Variants in CHST11 observed in about 807,000 individuals in gnomAD.
The protein encoded by CHST11 is carbohydrate sulfotransferase 11, also known as C4S-1.
A neutral mutation model predicts 30.4 loss-of-function variants in CHST11; 9 were observed. The observed-to-expected ratio is 0.30, with a 90% CI of 0.18 to 0.52. The LOEUF (loss-of-function observed/expected upper bound fraction) is 0.52, where lower values mean the gene tolerates loss of function less well. Among genes scored for constraint, CHST11 ranks in the 20% least tolerant of loss-of-function variants. The pLI, the probability that CHST11 is intolerant of heterozygous loss-of-function variation, is 0.97. For missense variants in CHST11, 348 were observed against 460.6 expected (o/e 0.76, Z 2.24); for synonymous variants, 152 against 187.8 (o/e 0.81, Z 1.56).
chr12:104,541,273 A>C (rs2038285327), intron 1 of CHST11, among the ~76,000 whole-genome samples: 1 of 152,208 alleles, frequency 6.6e-6, no homozygotes, highest in African/African-American at 2.4e-5. Flanking sequence ...CCACAGAGTG[A>C]TGTAAACCTA....
At chr12:104,491,574 T>A (rs1334628674) in intron 1 of CHST11, among the ~76,000 whole-genome samples, 1 of 152,030 alleles carries the variant, frequency 6.6e-6, no homozygotes, top group East Asian at 1.9e-4. Flanking sequence ...GCTCAAGTGG[T>A]CCTCCTGCCT....
intron 2 of CHST11, among the ~76,000 whole-genome samples, chr12:104,715,731 C>A (rs1896562): frequency 0.29 from 44,477 of 152,014 alleles, 8,054 homozygotes; most frequent in South Asian, 0.46. Flanking sequence ...GCTTAGGCTC[C>A]TGTGACTCCC....
intron 1 of CHST11, among the ~76,000 whole-genome samples, chr12:104,565,580 T>G (rs997505558): frequency 2.0e-5 from 3 of 151,908 alleles, no homozygotes; most frequent in African/African-American, 7.3e-5. Context: ...AGGACTTTTG[T>G]AAATTGTCTA....
intron 2 of CHST11, among the ~76,000 whole-genome samples, chr12:104,724,724 G>A (rs926535032): frequency 6.6e-6 from 1 of 152,034 alleles, no homozygotes; most frequent in African/African-American, 2.4e-5. Context: ...TGGAGCTGCC[G>A]CAGTTGCCTT....
At chr12:104,526,225 AAG>A (rs574423757) in intron 1 of CHST11, among the ~76,000 whole-genome samples, 4,003 of 146,134 alleles carry the variant, frequency 0.027, 100 homozygotes, top group African/African-American at 0.062. Context: ...TAAAAAAAAA[AAG>A]AAAAGAAAAG....
chr12:104,530,293 A>C (rs1031174727), intron 1 of CHST11, among the ~76,000 whole-genome samples: 2 of 152,192 alleles, frequency 1.3e-5, no homozygotes, highest in Admixed American at 1.3e-4. Context: ...CATCATGATC[A>C]TCATCATTTC....
chr12:104,517,208 C>T (rs1424022820), intron 1 of CHST11, among the ~76,000 whole-genome samples: 1 of 152,124 alleles, frequency 6.6e-6, no homozygotes, highest in African/African-American at 2.4e-5. Context: ...AAGAGAAGCC[C>T]AAGAATTGTC....
chr12:104,553,784 C>G (rs1286577546), intron 1 of CHST11, among the ~76,000 whole-genome samples: 3 of 152,172 alleles, frequency 2.0e-5, no homozygotes. Context: ...AGAGCCAAAC[C>G]ATATCAGCTG....
chr12:104,733,537 C>A (rs1275873510), intron 2 of CHST11, among the ~76,000 whole-genome samples: 1 of 152,240 alleles, frequency 6.6e-6, no homozygotes, highest in East Asian at 1.9e-4. Flanking sequence ...CACTGTGTTT[C>A]AGGCAGTCTT....
chr12:104,498,126 G>A lies in CHST11; in HGVS notation c.118+40597G>A, dbSNP rs142935989. Among the ~76,000 whole-genome samples the A allele has an allele frequency of 6.5e-3, 983 of 151,880 alleles. 12 individuals carry two copies. The highest frequency in any genetic ancestry group is 0.022 in the African/African-American group (926 of 41,366). ...GTAGAGATGGGGTTTTGCCGTGTTG[G>A]CCAGGCTGGTTTTGAACTCCTGACC... is the stretch of plus-strand genomic sequence containing the variant. On this transcript the variant is annotated intron_variant, in intron 1 of 2. Transcript: ENST00000303694.
chr12:104,705,613 G>C (rs1004678757), intron 2 of CHST11, among the ~76,000 whole-genome samples: 2 of 152,248 alleles, frequency 1.3e-5, no homozygotes, highest in East Asian at 3.9e-4. Context: ...GGAAGGTAAG[G>C]GCTGCAGGTT....
chr12:104,536,198 T>C (rs1285386027), intron 1 of CHST11, among the ~76,000 whole-genome samples: 1 of 152,216 alleles, frequency 6.6e-6, no homozygotes, highest in Non-Finnish European at 1.5e-5. Flanking sequence ...TGAGAAATGA[T>C]GCCTTGGAGC....
chr12:104,756,532 G>GGGGTGTGT lies in CHST11; in HGVS notation c.205-416_205-415insGGTGTGTG, dbSNP rs1555250374. ...CATCATGAGGTCTGGATCCATGTGG[G>GGGGTGTGT]GTGTGTGTGTGTGTGTGTGTGTGTG... On this transcript the variant is annotated intron_variant, in intron 2 of 2. Transcript: ENST00000303694. 4.8e-3 allele frequency among the ~76,000 whole-genome samples: 689 copies of GGGGTGTGT among 143,394 alleles called. 3 individuals carry two copies. The highest frequency in any genetic ancestry group is 0.017 in the African/African-American group (638 of 38,354). 94.1% of individuals were successfully genotyped at this position (143,394 alleles called of 152,430 possible).
chr12:104,499,015 TA>T (rs2037827133), intron 1 of CHST11, among the ~76,000 whole-genome samples: 2 of 152,226 alleles, frequency 1.3e-5, no homozygotes. Context: ...AGTGGCTCAC[TA>T]TTGCCAGTCC....
chr12:104,611,924 A>G (rs2039063655), intron 2 of CHST11, among the ~76,000 whole-genome samples: 1 of 152,210 alleles, frequency 6.6e-6, no homozygotes, highest in African/African-American at 2.4e-5. Context: ...GGTTGCCTGA[A>G]GGAACTGGGG....
intron 2 of CHST11, among the ~76,000 whole-genome samples, chr12:104,720,445 C>A (rs1018068057): frequency 6.6e-6 from 1 of 152,208 alleles, no homozygotes; most frequent in Non-Finnish European, 1.5e-5. Context: ...CCCTTCCAGA[C>A]CCCGCACGGT....
At chr12:104,720,213 G>C (rs1429756859) in intron 2 of CHST11, among the ~76,000 whole-genome samples, 1 of 152,258 alleles carries the variant, frequency 6.6e-6, no homozygotes, top group South Asian at 2.1e-4. Flanking sequence ...GCCATGTCTT[G>C]AGAGTCTACT....
intron 1 of CHST11, among the ~76,000 whole-genome samples, chr12:104,460,927 T>A (rs1310598869): frequency 6.6e-6 from 1 of 152,204 alleles, no homozygotes; most frequent in Non-Finnish European, 1.5e-5. Context: ...GGTTTTAGAC[T>A]CCATTTTAAT....
intron 1 of CHST11, 32 bp downstream of exon 1, chr12:104,457,561 T>A (rs780817354): frequency 1.4e-6 from 2 of 1,454,086 alleles, no homozygotes; most frequent in Non-Finnish European, 1.9e-6. Flanking sequence ...TTTTGTTGGA[T>A]ATTTTCTTCT....
Sources: gnomAD v4.1 joint callset for allele counts (sites outside exome capture counted in the v4.1 genomes callset) on GRCh38, gnomAD v4.1.1 for gene constraint, MANE v1.5 for transcripts, NCBI Gene and HGNC (gene_info 2026-07-23, HGNC 2026-07-21) for gene names.